COL21A1: variants seen among roughly 807,000 people sequenced by gnomAD.
COL21A1 encodes collagen alpha-1(XXI) chain.
A neutral mutation model predicts 137.9 loss-of-function variants in COL21A1; 149 were observed. The ratio of observed to expected loss-of-function variants is 1.08; its 90% confidence interval spans 0.95 to 1.24. The LOEUF is 1.24. COL21A1 is among the 50% of genes most tolerant of loss of function. The pLI, the probability that COL21A1 is intolerant of heterozygous loss-of-function variation, is 0.00. For missense variants in COL21A1, 1,167 were observed against 1,158.4 expected, an observed-to-expected ratio of 1.01 and a Z score of -0.11; for synonymous variants, 456 against 391.5, an observed-to-expected ratio of 1.16 and a Z score of -1.95.
intron 12 of COL21A1, among the ~76,000 whole-genome samples, chr6:56,131,579 A>G (rs1196502182): frequency 6.6e-6 from 1 of 152,052 alleles, no homozygotes; most frequent in Admixed American, 6.6e-5. Context: ...GAGTCCATTA[A>G]GGGGAGGTTC....
intron 1 of COL21A1, among the ~76,000 whole-genome samples, chr6:56,375,046 T>A (rs1188964782): frequency 6.6e-6 from 1 of 152,122 alleles, no homozygotes; most frequent in African/African-American, 2.4e-5. Flanking sequence ...CCTTACATGA[T>A]GCCAGAACTC....
chr6:56,166,598 C>G (rs922929172), intron 7 of COL21A1, among the ~76,000 whole-genome samples: 1 of 152,056 alleles, frequency 6.6e-6, no homozygotes, highest in Non-Finnish European at 1.5e-5. Context: ...TTGCAGTGAC[C>G]CGAGATTGCG....
intron 10 of COL21A1, among the ~76,000 whole-genome samples, chr6:56,153,021 T>G (rs1317970087): frequency 6.6e-6 from 1 of 152,038 alleles, no homozygotes; most frequent in Non-Finnish European, 1.5e-5. Context: ...GTATCTTCAG[T>G]GAGATTAAAG....
chr6:56,152,778 A>T (rs376129742), intron 10 of COL21A1, among the ~76,000 whole-genome samples: 265 of 152,294 alleles, frequency 1.7e-3, no homozygotes, highest in African/African-American at 6.1e-3. Context: ...CACTAAAAAG[A>T]AGACCTAAAT....
At chr6:56,208,386 C>T (rs913349282) in intron 1 of COL21A1, among the ~76,000 whole-genome samples, 1 of 145,658 alleles carries the variant, frequency 6.9e-6, no homozygotes, top group Non-Finnish European at 1.5e-5. Flanking sequence ...AAATAATAGA[C>T]AAACAGAGAG....
chr6:56,149,421 C>T (rs1389845646), intron 10 of COL21A1, among the ~76,000 whole-genome samples: 2 of 152,122 alleles, frequency 1.3e-5, no homozygotes, highest in African/African-American at 4.8e-5. Context: ...AATTAATTCT[C>T]TTAATGCATA....
chr6:56,094,429 A>G (rs771908387), intron 17 of COL21A1, among the ~76,000 whole-genome samples: 1 of 149,060 alleles, frequency 6.7e-6, no homozygotes, highest in South Asian at 2.1e-4. Context: ...CTTTCTCCAC[A>G]TGACTTCCAC....
At chr6:56,242,916 G>A (rs749802047) in intron 1 of COL21A1, among the ~76,000 whole-genome samples, 21 of 152,084 alleles carry the variant, frequency 1.4e-4, no homozygotes, top group Admixed American at 5.2e-4. Flanking sequence ...TGGATTGTGC[G>A]TCTCTTTGTC....
intron 20 of COL21A1, 44 bp downstream of exon 20, chr6:56,074,188 T>C: frequency 7.1e-7 from 1 of 1,400,712 alleles, no homozygotes; most frequent in Non-Finnish European, 9.8e-7. Context: ...ATGGCCACTG[T>C]GATTATACAA....
chr6:56,127,383 T>C (rs1388272221), intron 12 of COL21A1, among the ~76,000 whole-genome samples: 1 of 152,220 alleles, frequency 6.6e-6, no homozygotes, highest in Non-Finnish European at 1.5e-5. Flanking sequence ...CTCCAAAATC[T>C]TTCCAACTGT....
intron 12 of COL21A1, among the ~76,000 whole-genome samples, chr6:56,131,418 T>C (rs1238268917): frequency 6.6e-6 from 1 of 151,544 alleles, no homozygotes; most frequent in Non-Finnish European, 1.5e-5. Flanking sequence ...ATAGACCAAG[T>C]GTAAAAACAC....
chr6:56,390,585 C>T (rs77553112), intron 1 of COL21A1, among the ~76,000 whole-genome samples: 7,409 of 150,174 alleles, frequency 0.049, 259 homozygotes, highest in Non-Finnish European at 0.073. Flanking sequence ...AAGATACAAA[C>T]AGCCTGATAA....
chr6:56,165,865 C>G (rs558946651), intron 7 of COL21A1, among the ~76,000 whole-genome samples: 154 of 151,600 alleles, frequency 1.0e-3, no homozygotes, highest in African/African-American at 3.6e-3. Context: ...TTTCCACTAG[C>G]AGTAATACAC....
chr6:56,232,564 G>A (rs1467596879), intron 1 of COL21A1, among the ~76,000 whole-genome samples: 2 of 151,874 alleles, frequency 1.3e-5, no homozygotes, highest in African/African-American at 4.8e-5. Context: ...GCTACGTTCT[G>A]TTATAAGGAC....
At chr6:56,271,930 G>C (rs1350594583) in intron 1 of COL21A1, among the ~76,000 whole-genome samples, 1 of 151,616 alleles carries the variant, frequency 6.6e-6, no homozygotes, top group Non-Finnish European at 1.5e-5. Flanking sequence ...CCTCCACTTT[G>C]ATATCGGAGG....
chr6:56,269,410 C>T (rs1763469096), intron 1 of COL21A1, among the ~76,000 whole-genome samples: 2 of 152,192 alleles, frequency 1.3e-5, no homozygotes, highest in South Asian at 4.1e-4. Context: ...AATCCCAGCA[C>T]TTTGGGAGGC....
chr6:56,182,420 G>T, intron 2 of COL21A1, 111 bp downstream of exon 2: 1 of 684,260 alleles, frequency 1.5e-6, no homozygotes. Flanking sequence ...GGGAGTTACA[G>T]AATCAAAGAC....
chr6:56,315,903 T>C (rs767235509), intron 1 of COL21A1, among the ~76,000 whole-genome samples: 2 of 152,216 alleles, frequency 1.3e-5, no homozygotes, highest in Non-Finnish European at 2.9e-5. Context: ...GTGATAGATA[T>C]GTTAAATTAG....
intron 17 of COL21A1, chr6:56,091,564 C>A (rs1768818594): frequency 6.6e-6 from 1 of 152,624 alleles, no homozygotes; most frequent in African/African-American, 2.4e-5. Context: ...TCTCAGCTCA[C>A]AGTAGAACCC....
Sources: allele counts gnomAD v4.1 joint callset (sites outside exome capture counted in the v4.1 genomes callset), GRCh38; gene constraint gnomAD v4.1.1; transcripts MANE v1.5; gene names NCBI Gene and HGNC (gene_info 2026-07-23, HGNC 2026-07-21).